The following HYKK variants were observed in gnomAD, a reference collection of about 807,000 sequenced individuals.
HYKK encodes hydroxylysine kinase, also known as 5-hydroxy-L-lysine kinase.
A neutral mutation model predicts 29.7 loss-of-function variants in HYKK; 19 were observed. The observed-to-expected ratio is 0.64, with a 90% CI of 0.45 to 0.94. The LOEUF (loss-of-function observed/expected upper bound fraction) is 0.94. HYKK is among the 40% of genes least tolerant of loss of function. The pLI is 0.00. For missense variants in HYKK, 390 were observed against 443.4 expected (o/e 0.88, Z 1.08); for synonymous variants, 152 against 158.1 (o/e 0.96, Z 0.29).
intron 3 of HYKK, among the ~76,000 whole-genome samples, chr15:78,521,180 G>A (rs927484319): frequency 1.3e-5 from 2 of 152,178 alleles, no homozygotes; most frequent in African/African-American, 4.8e-5. Flanking sequence ...GGGATCCAAA[G>A]TAGGCAGGAG....
chr15:78,522,488 G>A (rs1475557535), intron 3 of HYKK, among the ~76,000 whole-genome samples: 1 of 146,982 alleles, frequency 6.8e-6, no homozygotes, highest in Non-Finnish European at 1.5e-5. Context: ...GAGCCTGGGA[G>A]ATGGAGGTTG....
rs556756284 is a variant in HYKK at position 78,535,328 on chromosome 15, G to A, written c.*1658G>A. The A allele has an allele frequency of 2.4e-4, 36 of 147,746 alleles. No individual in the cohort carries two copies. Among genetic ancestry groups the A allele is most frequent in the South Asian group, 2.1e-3 (10 of 4,716 alleles). 9.2% of individuals were successfully genotyped at this position (147,746 alleles called of 1,614,324 possible). A position where few individuals can be genotyped will look rare whatever the true frequency, so the allele number is the denominator to read the frequency against. On this transcript the variant is annotated 3_prime_UTR_variant, in exon 5 of 5. Transcript: ENST00000388988. ...TTGGTGGTGGGGCGGCAGGGACAGGGTTTCACTGCAGCCTCAACCTCCTAG... is the reference window on the plus strand; with the variant it reads ...TTGGTGGTGGGGCGGCAGGGACAGGATTTCACTGCAGCCTCAACCTCCTAG...
At chr15:78,532,324 A>C (rs2052320480) in intron 4 of HYKK, among the ~76,000 whole-genome samples, 2 of 152,116 alleles carry the variant, frequency 1.3e-5, no homozygotes, top group Admixed American at 1.3e-4. Flanking sequence ...ATCCCTGTAA[A>C]ATTTTCTAAA....
Position 78,534,279 on chromosome 15 carries a change from T to G in HYKK, c.*609T>G, listed in dbSNP as rs1298007922. On this transcript the variant is annotated 3_prime_UTR_variant, in exon 5 of 5. Transcript: ENST00000388988. Reference sequence around the variant, plus strand: ...TTTTTTTTTTTTTTGAGACGGAGTCTCGCTCTGTCGCCCAGGCTGGAGTGC... The same window carrying G: ...TTTTTTTTTTTTTTGAGACGGAGTCGCGCTCTGTCGCCCAGGCTGGAGTGC... 1.4e-5 allele frequency: 2 copies of G among 140,092 alleles called. No individual in the cohort carries two copies. Among genetic ancestry groups the G allele is most frequent in the Non-Finnish European group, 3.1e-5 (2 of 65,490 alleles). The allele number at this position is 140,092 out of a possible 1,614,324, so 8.7% of individuals were successfully genotyped here. A position where few individuals can be genotyped will look rare whatever the true frequency, so the allele number is the denominator to read the frequency against.
rs12906951 is a variant in HYKK at position 78,533,220 on chromosome 15, C to T, written c.672C>T (p.His224=). The change falls in exon 5 of 5, where the codon CAC becomes CAT. Residue 224 remains histidine, a synonymous_variant. Coordinates refer to ENST00000388988, the MANE Select transcript of HYKK (RefSeq NM_001013619.4). ...KLSHFRECIN[H]GDLNDHNILI... ...TTTTTCTACTTTCAGGTATCAATCA[C>T]GGAGATCTTAATGACCATAATATTT... The T allele has an allele frequency of 0.39, 613,088 of 1,585,222 alleles. 125,584 individuals carry two copies. Among genetic ancestry groups the T allele is most frequent in the Non-Finnish European group, 0.43 (494,449 of 1,155,902 alleles).
intron 4 of HYKK, 87 bp downstream of exon 4, chr15:78,527,650 C>G: frequency 1.3e-6 from 2 of 1,512,330 alleles, no homozygotes; most frequent in Non-Finnish European, 1.8e-6. Flanking sequence ...TACAATTTAG[C>G]TTTATCAAAT....
intron 3 of HYKK, 116 bp from the exon 4 acceptor site, chr15:78,527,264 C>T (rs12903129): frequency 0.37 from 291,823 of 798,326 alleles, 58,102 homozygotes; most frequent in Non-Finnish European, 0.42. Flanking sequence ...CCTGCCTGGG[C>T]GGCAGAGTAA....
At position 78,513,413 on chromosome 15, in the gene HYKK, C is replaced by T. The variant is rs1243694674; in HGVS notation, c.325C>T (p.Leu109Phe). 6.2e-7 allele frequency: 1 copy of T among 1,612,134 alleles called. No homozygotes were observed. The highest frequency in any genetic ancestry group is 1.1e-5 in the South Asian group (1 of 90,876). Residue 109 changes from leucine to phenylalanine, a missense_variant, in exon 2 of 5, where the codon CTC (leucine) becomes TTC (phenylalanine). Coordinates refer to ENST00000388988, the MANE Select transcript of HYKK (RefSeq NM_001013619.4). ...CACTAAAGGAGACAACACAGCTTCT[C>T]TCGTGTCTGTAGGTAAGAGATGACC... The part of the protein sequence containing the change: ...CHTKGDNTAS[L>F]VSVDSGSEIK...
intron 2 of HYKK, among the ~76,000 whole-genome samples, chr15:78,514,383 A>G (rs1274461910): frequency 6.6e-6 from 1 of 152,108 alleles, no homozygotes; most frequent in Non-Finnish European, 1.5e-5. Context: ...GGCTAAAACC[A>G]ATTTCTTGAA....
chr15:78,515,593 T>A lies in HYKK; in HGVS notation c.477+486T>A, dbSNP rs1231982329. ...TGACACTGTCTCCAAAGAAATTTTT[T>A]TTTTTTTTTTTTTGAGACAGAATCT... On this transcript the variant is annotated intron_variant, in intron 3 of 4. Transcript: ENST00000388988. 3.3e-5 allele frequency among the ~76,000 whole-genome samples: 5 copies of A among 151,446 alleles called. 1 individual carries two copies. Among genetic ancestry groups the A allele is most frequent in the African/African-American group, 1.2e-4 (5 of 41,218 alleles).
chr15:78,523,759 A>G (rs1184231888), intron 3 of HYKK, among the ~76,000 whole-genome samples: 1 of 152,220 alleles, frequency 6.6e-6, no homozygotes, highest in African/African-American at 2.4e-5. Context: ...CCTATTCCAA[A>G]AGGGAGAAAT....
At chr15:78,524,349 C>T (rs1052550414) in intron 3 of HYKK, among the ~76,000 whole-genome samples, 4 of 152,216 alleles carry the variant, frequency 2.6e-5, no homozygotes, top group African/African-American at 9.6e-5. Flanking sequence ...ATACCCGTAC[C>T]ATACCCCTTT....
intron 1 of HYKK, among the ~76,000 whole-genome samples, chr15:78,512,032 A>G (rs1322384935): frequency 1.3e-5 from 2 of 152,186 alleles, no homozygotes; most frequent in African/African-American, 4.8e-5. Flanking sequence ...CTTAATTTTA[A>G]TTTTAAGCCC....
chr15:78,527,909 T>A (rs2052272291), intron 4 of HYKK: 1 of 226,784 alleles, frequency 4.4e-6, no homozygotes, highest in Non-Finnish European at 7.7e-6. Context: ...CTATTCAGCA[T>A]GTTTTGCAGA....
Position 78,533,654 on chromosome 15 carries a change from C to T in HYKK, c.1106C>T (p.Ser369Phe), listed in dbSNP as rs1185132619. Reference protein sequence around the residue: ...IWFETAKSYESGISM With the variant: ...IWFETAKSYEFGISM The stretch of plus-strand genomic sequence containing the variant: ...TTTGAAACTGCCAAATCCTATGAAT[C>T]TGGGATCTCCATGTGACTGAGATCT... The change falls in exon 5 of 5, where the codon TCT (serine) becomes TTT (phenylalanine). Residue 369 changes from serine (S) to phenylalanine (F), a missense_variant. Ser to Phe is a radical substitution (Grantham distance 155). Coordinates refer to ENST00000388988, the MANE Select transcript of HYKK (RefSeq NM_001013619.4). The T allele has an allele frequency of 1.9e-6, 3 of 1,612,944 alleles. No homozygotes were observed. Among genetic ancestry groups the T allele is most frequent in the Non-Finnish European group, 1.7e-6 (2 of 1,178,950 alleles).
Position 78,527,534 on chromosome 15 carries a change from T to G in HYKK, c.632T>G (p.Val211Gly). ...EHVIHLFKEE[V>G]MTKLSHFREC... is the part of the protein sequence containing the mutation. ...GTCATTCATCTGTTCAAGGAGGAAG[T>G]AATGACCAAATTAAGTCATTTTCGA... The change falls in exon 4 of 5, where the codon GTA (valine) becomes GGA (glycine). Residue 211 changes from valine (V) to glycine (G), a missense_variant. Transcript: ENST00000388988. 1 of 1,614,154 alleles carries G rather than the reference T, an allele frequency of 6.2e-7. No individual in the cohort carries two copies. Among genetic ancestry groups the G allele is most frequent in the Non-Finnish European group, 8.5e-7 (1 of 1,179,994 alleles).
At chr15:78,527,804 T>C (rs2052270730) in intron 4 of HYKK, 7 of 1,094,414 alleles carry the variant, frequency 6.4e-6, no homozygotes, top group Admixed American at 4.3e-5. Flanking sequence ...ATTACATATG[T>C]ATGATTTATA....
At chr15:78,531,448 A>C (rs2052311343) in intron 4 of HYKK, among the ~76,000 whole-genome samples, 1 of 152,202 alleles carries the variant, frequency 6.6e-6, no homozygotes, top group Admixed American at 6.5e-5. Context: ...TGAGTAAAGC[A>C]CATGTTAAAG....
intron 1 of HYKK, among the ~76,000 whole-genome samples, chr15:78,510,350 AT>A (rs370211819): frequency 8.0e-5 from 12 of 149,662 alleles, no homozygotes; most frequent in Middle Eastern, 3.4e-3. Context: ...TGCCCGGCTA[AT>A]TTTTTTTTTA....
Sources: gnomAD v4.1 joint callset for allele counts (sites outside exome capture counted in the v4.1 genomes callset) on GRCh38, gnomAD v4.1.1 for gene constraint, MANE v1.5 for transcripts, NCBI Gene and HGNC (gene_info 2026-07-23, HGNC 2026-07-21) for gene names.